PRKAR2B: variants seen among roughly 807,000 people sequenced by gnomAD.
The protein encoded by PRKAR2B is protein kinase cAMP-dependent type II regulatory subunit beta.
PRKAR2B carries 14 observed loss-of-function variants against 49.9 expected under a neutral mutation model. The observed-to-expected ratio is 0.28, with a 90% CI of 0.19 to 0.44. The LOEUF is 0.44. Ranked by LOEUF, PRKAR2B falls within the 20% of genes least tolerant of loss-of-function variation. The pLI, the probability that PRKAR2B is intolerant of heterozygous loss-of-function variation, is 1.00. For synonymous variants in PRKAR2B, 196 were observed against 197.7 expected (o/e 0.99, Z 0.07); for missense variants, 393 against 537.9 (o/e 0.73, Z 2.67).
At chr7:107,079,326 T>C (rs998473910) in intron 2 of PRKAR2B, 1 of 152,160 alleles carries the variant, frequency 6.6e-6, no homozygotes, top group Non-Finnish European at 1.5e-5. Flanking sequence ...CTTATCTTAT[T>C]GCAGATTGCC....
chr7:107,119,438 T>G (rs2115578944), intron 2 of PRKAR2B, among the ~76,000 whole-genome samples: 1 of 151,416 alleles, frequency 6.6e-6, no homozygotes, highest in East Asian at 1.9e-4. Context: ...TTTGTTTCGT[T>G]TTGTTTTGTT....
chr7:107,087,745 T>C (rs935423044), intron 2 of PRKAR2B, among the ~76,000 whole-genome samples: 13 of 152,090 alleles, frequency 8.5e-5, no homozygotes, highest in Non-Finnish European at 1.6e-4. Flanking sequence ...TGAAACCCTG[T>C]CTCTTTTCCT....
At chr7:107,070,241 G>T in intron 1 of PRKAR2B, 40 bp from the exon 2 acceptor site, 1 of 1,522,156 alleles carries the variant, frequency 6.6e-7, no homozygotes, top group Non-Finnish European at 9.0e-7. Context: ...GGGAAAATTA[G>T]ACTTTTAATC....
chr7:107,108,385 A>G (rs1194946612), intron 2 of PRKAR2B, among the ~76,000 whole-genome samples: 1 of 152,252 alleles, frequency 6.6e-6, no homozygotes, highest in Non-Finnish European at 1.5e-5. Context: ...TTAGAATAAA[A>G]CAGCCATTTA....
intron 1 of PRKAR2B, among the ~76,000 whole-genome samples, chr7:107,067,631 C>T: frequency 6.6e-6 from 1 of 152,110 alleles, no homozygotes; most frequent in East Asian, 1.9e-4. Flanking sequence ...CTCAAGAAGA[C>T]AGTGTAGTTA....
intron 4 of PRKAR2B, among the ~76,000 whole-genome samples, chr7:107,130,440 G>A (rs1232885561): frequency 6.6e-6 from 1 of 151,988 alleles, no homozygotes; most frequent in African/African-American, 2.4e-5. Flanking sequence ...AGGTGGAGGA[G>A]TTTGCAGTGA....
intron 2 of PRKAR2B, chr7:107,077,408 A>C (rs1409671151): frequency 6.6e-6 from 1 of 152,192 alleles, no homozygotes; most frequent in Non-Finnish European, 1.5e-5. Flanking sequence ...AGGAGAAAAC[A>C]TACAGTTTTT....
intron 6 of PRKAR2B, among the ~76,000 whole-genome samples, chr7:107,148,809 G>GGGCTAAC (rs1271087129): frequency 6.6e-6 from 1 of 152,148 alleles, no homozygotes; most frequent in Non-Finnish European, 1.5e-5. Flanking sequence ...ATTAGCCTTA[G>GGGCTAAC]GGCTAACATG....
At chr7:107,051,745 TAA>T (rs201545678) in intron 1 of PRKAR2B, among the ~76,000 whole-genome samples, 2 of 147,192 alleles carry the variant, frequency 1.4e-5, no homozygotes, top group Admixed American at 6.8e-5. Context: ...GTTTGGAAAC[TAA>T]AAAAAAAAGT....
At chr7:107,056,175 A>G (rs1793907425) in intron 1 of PRKAR2B, among the ~76,000 whole-genome samples, 1 of 152,056 alleles carries the variant, frequency 6.6e-6, no homozygotes, top group Non-Finnish European at 1.5e-5. Flanking sequence ...ATTGGTCTGT[A>G]TCTCTGTTGT....
intron 9 of PRKAR2B, 28 bp downstream of exon 9, chr7:107,157,077 C>T (rs1796106269): frequency 6.2e-7 from 1 of 1,607,514 alleles, no homozygotes; most frequent in Non-Finnish European, 8.5e-7. Flanking sequence ...TCAGAACCCA[C>T]ATACTGTTAG....
chr7:107,101,204 G>A (rs1794959629), intron 2 of PRKAR2B, among the ~76,000 whole-genome samples: 3 of 131,404 alleles, frequency 2.3e-5, no homozygotes, highest in Middle Eastern at 4.3e-3. Context: ...GCCATGGTAT[G>A]TGGCTGCTAA....
At chr7:107,119,687 A>G (rs1795353605) in intron 2 of PRKAR2B, among the ~76,000 whole-genome samples, 1 of 152,132 alleles carries the variant, frequency 6.6e-6, no homozygotes, top group African/African-American at 2.4e-5. Context: ...AAAGTTTCCT[A>G]CTTCCCATTT....
intron 4 of PRKAR2B, chr7:107,133,866 TCTC>T (rs1446986866): frequency 6.6e-6 from 1 of 152,118 alleles, no homozygotes; most frequent in Non-Finnish European, 1.5e-5. Flanking sequence ...TGAAAGGAAA[TCTC>T]CTTTTCACCT....
chr7:107,154,630 A>T (rs1415296911), intron 8 of PRKAR2B, among the ~76,000 whole-genome samples: 1 of 152,216 alleles, frequency 6.6e-6, no homozygotes, highest in South Asian at 2.1e-4. Flanking sequence ...TTCAACATTT[A>T]TTTTTGTGAT....
intron 1 of PRKAR2B, among the ~76,000 whole-genome samples, chr7:107,065,783 G>C (rs1297119911): frequency 6.6e-6 from 1 of 152,208 alleles, no homozygotes; most frequent in Non-Finnish European, 1.5e-5. Flanking sequence ...GCCAGGCACT[G>C]TGATAGGCAT....
At chr7:107,059,809 C>T (rs1793991492) in intron 1 of PRKAR2B, among the ~76,000 whole-genome samples, 1 of 151,942 alleles carries the variant, frequency 6.6e-6, no homozygotes, top group Non-Finnish European at 1.5e-5. Context: ...CTTCCCAGAC[C>T]TTGCAAGAGT....
intron 3 of PRKAR2B, 104 bp downstream of exon 3, chr7:107,122,108 CATA>C (rs1795400249): frequency 1.5e-6 from 1 of 646,340 alleles, no homozygotes; most frequent in African/African-American, 1.9e-5. Context: ...TAACAGGAGA[CATA>C]ATGGAATTAT....
chr7:107,131,227 C>T (rs1190290279), intron 4 of PRKAR2B, among the ~76,000 whole-genome samples: 1 of 152,194 alleles, frequency 6.6e-6, no homozygotes, highest in Non-Finnish European at 1.5e-5. Context: ...ATTCTGGTGT[C>T]TGTAGGGTTA....
Sources: allele counts gnomAD v4.1 joint callset (sites outside exome capture counted in the v4.1 genomes callset), GRCh38; gene constraint gnomAD v4.1.1; transcripts MANE v1.5; gene names NCBI Gene and HGNC (gene_info 2026-07-23, HGNC 2026-07-21).